The following AKAP6 variants were observed in gnomAD, a reference collection of about 807,000 sequenced individuals.
AKAP6 encodes the protein A-kinase anchoring protein 6.
Under a neutral mutation model 188.5 loss-of-function variants are expected in AKAP6, and 58 were observed. The ratio of observed to expected loss-of-function variants is 0.31; its 90% CI spans 0.25 to 0.38. AKAP6 has a LOEUF of 0.38. Ranked by LOEUF, AKAP6 falls within the 10% of genes least tolerant of loss-of-function variation. AKAP6 has a pLI of 1.00. For synonymous variants in AKAP6, 989 were observed against 998.6 expected, an observed-to-expected ratio of 0.99 and a Z score of 0.18; for missense variants, 2,710 against 2,740.0, an observed-to-expected ratio of 0.99 and a Z score of 0.24.
chr14:32,738,458 C>G (rs1413404805), intron 11 of AKAP6, among the ~76,000 whole-genome samples: 1 of 152,244 alleles, frequency 6.6e-6, no homozygotes, highest in East Asian at 1.9e-4. Flanking sequence ...GATTTAATAA[C>G]CTTGTTGATG....
In AKAP6 at chr14:32,546,248, G is replaced by C. The variant is rs1182497479; in HGVS notation, c.1595G>C (p.Gly532Ala). ...ACAAAGAGCTCAGCAGTGCCAAATG[G>C]AGAGCTTTCTTATACTTCCAAGGCC... ...KNTKSSAVPN[G>A]ELSYTSKAIE... Residue 532 changes from glycine to alanine, a missense_variant, in exon 4 of 14, where the codon GGA becomes GCA. Physicochemically the swap from Gly to Ala is moderately conservative, Grantham distance 60. Around this residue, in one of 2 missense-constraint regions of AKAP6, gnomAD observed 2,473 missense variants for 2,426.1 expected, o/e 1.02. Coordinates refer to ENST00000280979, the MANE Select transcript of AKAP6 (RefSeq NM_004274.5). The C allele has an allele frequency of 6.2e-7, 1 of 1,614,160 alleles. No individual in the cohort carries two copies. The highest frequency in any genetic ancestry group is 1.1e-5 in the South Asian group (1 of 91,080).
At chr14:32,377,726 G>A (rs1888204954) in intron 1 of AKAP6, among the ~76,000 whole-genome samples, 1 of 152,186 alleles carries the variant, frequency 6.6e-6, no homozygotes, top group Admixed American at 6.5e-5. Context: ...CCAGAATCTT[G>A]TGAGTTCAGA....
At chr14:32,690,927 C>T (rs1890153457) in intron 8 of AKAP6, among the ~76,000 whole-genome samples, 1 of 152,138 alleles carries the variant, frequency 6.6e-6, no homozygotes, top group Admixed American at 6.5e-5. Context: ...CTTTATAACA[C>T]TTTCATAGAG....
chr14:32,736,236 A>T (rs1226327714), intron 11 of AKAP6, among the ~76,000 whole-genome samples: 1 of 152,198 alleles, frequency 6.6e-6, no homozygotes, highest in Non-Finnish European at 1.5e-5. Flanking sequence ...GGATAAAAAT[A>T]CTTACACAAA....
At chr14:32,378,691 T>A (rs1457580828) in intron 1 of AKAP6, among the ~76,000 whole-genome samples, 1 of 152,222 alleles carries the variant, frequency 6.6e-6, no homozygotes, top group African/African-American at 2.4e-5. Context: ...ACAAAGCTAT[T>A]AAGATGACCA....
chr14:32,751,287 A>C (rs1256846083), intron 11 of AKAP6, among the ~76,000 whole-genome samples: 5 of 152,124 alleles, frequency 3.3e-5, no homozygotes, highest in Non-Finnish European at 7.3e-5. Flanking sequence ...GTGTGTCAGA[A>C]AATGTATTTT....
chr14:32,746,942 G>T (rs2031936211), intron 11 of AKAP6, among the ~76,000 whole-genome samples: 2 of 152,090 alleles, frequency 1.3e-5, no homozygotes, highest in Admixed American at 1.3e-4. Context: ...GCCTTTAAAA[G>T]GATTTCAAAT....
At chr14:32,598,222 G>A (rs1885784037) in intron 5 of AKAP6, among the ~76,000 whole-genome samples, 1 of 152,174 alleles carries the variant, frequency 6.6e-6, no homozygotes, top group Non-Finnish European at 1.5e-5. Context: ...ACCAAGTACA[G>A]TGCAGTGCAG....
intron 4 of AKAP6, among the ~76,000 whole-genome samples, chr14:32,548,123 CAG>C (rs546966801): frequency 1.5e-5 from 2 of 129,446 alleles, no homozygotes; most frequent in South Asian, 4.7e-4. Flanking sequence ...TTCCTCTGAG[CAG>C]AGTTTTGCTC....
intron 9 of AKAP6, among the ~76,000 whole-genome samples, chr14:32,698,586 T>C (rs1336274621): frequency 6.6e-6 from 1 of 152,108 alleles, no homozygotes; most frequent in Admixed American, 6.6e-5. Context: ...GAACATTTAC[T>C]CTTCATGTTC....
chr14:32,336,528 A>G (rs1251914006), intron 1 of AKAP6, among the ~76,000 whole-genome samples: 1 of 152,176 alleles, frequency 6.6e-6, no homozygotes, highest in East Asian at 1.9e-4. Flanking sequence ...ACACACATGT[A>G]TATTACTTGG....
intron 2 of AKAP6, among the ~76,000 whole-genome samples, chr14:32,462,916 A>AAAAAAAAAAAAAAAAAAAAAAAAAAAAAC (rs1891389540): frequency 2.1e-5 from 2 of 93,776 alleles, no homozygotes; most frequent in African/African-American, 7.0e-5. Flanking sequence ...AAAAAAAAAA[A>AAAAAAAAAAAAAAAAAAAAAAAAAAAAAC]AAAAAAAAAA....
At chr14:32,748,312 C>T (rs1446265560) in intron 11 of AKAP6, among the ~76,000 whole-genome samples, 1 of 152,104 alleles carries the variant, frequency 6.6e-6, no homozygotes, top group Non-Finnish European at 1.5e-5. Flanking sequence ...AGATCATCTT[C>T]CTGAAAGCTC....
chr14:32,422,345 A>G (rs1889876794), intron 1 of AKAP6, among the ~76,000 whole-genome samples: 1 of 152,170 alleles, frequency 6.6e-6, no homozygotes, highest in Non-Finnish European at 1.5e-5. Context: ...ATACACTAGA[A>G]CAACTCATAG....
rs561978800 is a variant in AKAP6, at chr14:32,700,238, C to T, written c.3000+4128C>T. The stretch of plus-strand genomic sequence containing the variant: ...GGTGTGCCCTATCAGAGGCTCCTTA[C>T]CTATGCACAAAGGACTGCCAGTTCG... On this transcript the variant is annotated intron_variant, in intron 9 of 13. Coordinates refer to ENST00000280979, the MANE Select transcript of AKAP6 (RefSeq NM_004274.5). 7.6e-4 allele frequency among the ~76,000 whole-genome samples: 116 copies of T among 152,246 alleles called. 1 individual carries two copies. The highest frequency in any genetic ancestry group is 1.3e-3 in the Non-Finnish European group (90 of 68,002).
At chr14:32,577,918 A>AG (rs774341957) in intron 5 of AKAP6, among the ~76,000 whole-genome samples, 2 of 152,268 alleles carry the variant, frequency 1.3e-5, no homozygotes, top group East Asian at 1.9e-4. Flanking sequence ...TCAATTATGA[A>AG]GGGGTGGAAA....
chr14:32,414,029 A>C (rs1350989275), intron 1 of AKAP6, among the ~76,000 whole-genome samples: 1 of 151,796 alleles, frequency 6.6e-6, no homozygotes, highest in African/African-American at 2.4e-5. Context: ...TGGGAGATTG[A>C]GTTGAAATTA....
At chr14:32,553,461 C>A (rs1210357329) in intron 4 of AKAP6, among the ~76,000 whole-genome samples, 1 of 152,016 alleles carries the variant, frequency 6.6e-6, no homozygotes, top group Non-Finnish European at 1.5e-5. Flanking sequence ...CGTGAGCCAC[C>A]GCGCCTGGCC....
intron 10 of AKAP6, 46 bp from the exon 11 acceptor site, chr14:32,735,612 T>TG (rs754568869): frequency 4.9e-6 from 7 of 1,416,236 alleles, no homozygotes; most frequent in Non-Finnish European, 6.7e-6. Context: ...TGGGGTTTTT[T>TG]TTTGTTTGTT....
Sources: allele counts gnomAD v4.1 joint callset (sites outside exome capture counted in the v4.1 genomes callset), GRCh38; gene constraint gnomAD v4.1.1; regional missense constraint gnomAD v4.1.1; transcripts MANE v1.5; gene names NCBI Gene and HGNC (gene_info 2026-07-23, HGNC 2026-07-21).